Variants in ALDH4A1 observed in about 807,000 individuals in gnomAD.
ALDH4A1 encodes the protein delta-1-pyrroline-5-carboxylate dehydrogenase, mitochondrial.
In ALDH4A1, 46 loss-of-function variants were observed where a neutral mutation model predicts 70.5. The observed-to-expected ratio is 0.65, with a 90% CI of 0.51 to 0.83. ALDH4A1 has a LOEUF of 0.83. ALDH4A1 is among the 40% of genes least tolerant of loss of function. ALDH4A1 has a pLI of 0.00. For missense variants in ALDH4A1, 749 were observed against 766.5 expected, an observed-to-expected ratio of 0.98 and a Z score of 0.27; for synonymous variants, 323 against 324.3, an observed-to-expected ratio of 1.00 and a Z score of 0.04.
chr1:18,891,767 C>A (rs930738900), intron 1 of ALDH4A1, among the ~76,000 whole-genome samples: 10 of 152,188 alleles, frequency 6.6e-5, no homozygotes, highest in Non-Finnish European at 1.3e-4. Context: ...GTGGCTCACA[C>A]CTGTAATCAC....
Position 18,885,595 on chromosome 1 carries a change from C to T in ALDH4A1, c.331G>A (p.Ala111Thr). ...TTCAGGTCCCACTCTTTCCGGGCAG[C>T]CAGGGCAGCCTCAATGGCTTTGTTG... ...LLNKAIEAAL[A>T]ARKEWDLKPI... Residue 111 changes from alanine (A) to threonine (T), a missense_variant, in exon 5 of 15, where the codon GCT (alanine) becomes ACT (threonine). Coordinates refer to ENST00000375341, the MANE Select transcript of ALDH4A1 (RefSeq NM_003748.4). 1 of 1,613,954 alleles carries T rather than the reference C, an allele frequency of 6.2e-7. No individual in the cohort carries two copies. Among genetic ancestry groups the T allele is most frequent in the Non-Finnish European group, 8.5e-7 (1 of 1,180,004 alleles).
chr1:18,887,078 T>C (rs973481148), intron 3 of ALDH4A1, among the ~76,000 whole-genome samples: 3 of 152,266 alleles, frequency 2.0e-5, no homozygotes, highest in East Asian at 1.9e-4. Context: ...GAAGCCATCA[T>C]GGACAGAGCA....
intron 9 of ALDH4A1, among the ~76,000 whole-genome samples, chr1:18,878,471 C>T (rs1265144392): frequency 6.6e-6 from 1 of 152,128 alleles, no homozygotes; most frequent in East Asian, 1.9e-4. Context: ...GTCCAGACTC[C>T]CCAGTGGGCC....
intron 14 of ALDH4A1, among the ~76,000 whole-genome samples, chr1:18,873,678 C>T (rs765231484): frequency 3.3e-5 from 5 of 152,198 alleles, no homozygotes; most frequent in Non-Finnish European, 5.9e-5. Flanking sequence ...AGGGGGACGG[C>T]GGTGCCCCTG....
rs1026266446 is a variant in ALDH4A1 at position 18,902,479 on chromosome 1, G to A, written c.45C>T (p.Arg15=). ...APALRRALLS[R]PWTGAGLRWK... ...TCACTCACCCGGCCCCGGTCCAGGG[G>A]CGGGACAGCAGGGCGCGGCGGAGCG... Residue 15 remains arginine (R), a synonymous_variant, in exon 1 of 15, where the codon CGC becomes CGT. Transcript: ENST00000375341. 5.5e-6 allele frequency: 8 copies of A among 1,451,700 alleles called. No homozygotes were observed. In the South Asian group the frequency reaches 8.1e-5, roughly 15 times the overall value. 89.9% of individuals were successfully genotyped at this position (1,451,700 alleles called of 1,614,324 possible).
intron 1 of ALDH4A1, chr1:18,897,135 T>C (rs778890987): frequency 1.9e-6 from 1 of 517,208 alleles, no homozygotes; most frequent in Non-Finnish European, 4.0e-6. Flanking sequence ...TTTTTGAGTG[T>C]CAACGTGACG....
In ALDH4A1 at chr1:18,877,722, G is replaced by A. The variant is rs1934779170; in HGVS notation, c.941-110C>T. The stretch of plus-strand genomic sequence containing the variant: ...ATGGCCCGGGACCAACACGAGCACG[G>A]AGCAGCCCAGAGCGGGCGGAGGCTC... On this transcript the variant is annotated intron_variant, in intron 9 of 14. Coordinates refer to ENST00000375341, the MANE Select transcript of ALDH4A1 (RefSeq NM_003748.4). 5 of 1,304,574 alleles carry A rather than the reference G, an allele frequency of 3.8e-6. No individual in the cohort carries two copies. In the East Asian group the frequency reaches 1.2e-4, roughly 32 times the overall value. 80.8% of individuals were successfully genotyped at this position (1,304,574 alleles called of 1,614,324 possible). A position where few individuals can be genotyped will look rare whatever the true frequency, so the allele number is the denominator to read the frequency against.
At chr1:18,891,763 C>T (rs1398259761) in intron 1 of ALDH4A1, among the ~76,000 whole-genome samples, 3 of 152,178 alleles carry the variant, frequency 2.0e-5, no homozygotes, top group Non-Finnish European at 4.4e-5. Flanking sequence ...CATGGTGGCT[C>T]ACACCTGTAA....
At chr1:18,886,369 C>G in intron 4 of ALDH4A1, 95 bp downstream of exon 4, 2 of 1,431,574 alleles carry the variant, frequency 1.4e-6, no homozygotes, top group South Asian at 2.3e-5. Flanking sequence ...GACACAGCAA[C>G]TGATGCCCCC....
At chr1:18,887,867 T>C (rs1219259317) in intron 3 of ALDH4A1, among the ~76,000 whole-genome samples, 2 of 152,224 alleles carry the variant, frequency 1.3e-5, no homozygotes, top group African/African-American at 4.8e-5. Context: ...AGCTGCCCTC[T>C]CTCTGTGTGT....
Position 18,889,410 on chromosome 1 carries a change from CA to C in ALDH4A1, c.200del (p.Val67GlyfsTer52). On this transcript the variant is annotated frameshift_variant, in exon 3 of 15. Coordinates refer to ENST00000375341, the MANE Select transcript of ALDH4A1 (RefSeq NM_003748.4). LOFTEE classifies it high-confidence loss of function. Reference sequence around the variant, plus strand: ...ACGTCCACACCTCCTCATCCCCCACCACGCATGGGATGGCTTCCATCCGGCC... The same window carrying C: ...ACGTCCACACCTCCTCATCCCCCACCCGCATGGGATGGCTTCCATCCGGCC... The part of the protein sequence containing the change: ...LKGRMEAIPC[V>X]VGDEEVWTSD... 1.9e-6 allele frequency: 3 copies of C among 1,552,920 alleles called. No individual in the cohort carries two copies. The highest frequency in any genetic ancestry group is 2.6e-6 in the Non-Finnish European group (3 of 1,147,668).
chr1:18,881,799 G>A lies in ALDH4A1; in HGVS notation c.767C>T (p.Pro256Leu). 2.5e-6 allele frequency: 4 copies of A among 1,614,012 alleles called. No homozygotes were observed. In the South Asian group the frequency reaches 3.3e-5, roughly 13 times the overall value. ...AGCTGGCACAAACTGGATGATGTTG[G>A]GGGGCAGGCCAGCCTCCCGAAGGAT... ...YRILREAGLP[P>L]NIIQFVPADG... Residue 256 changes from proline to leucine, a missense_variant, in exon 8 of 15, where the codon CCC (proline) becomes CTC (leucine). Coordinates refer to ENST00000375341, the MANE Select transcript of ALDH4A1 (RefSeq NM_003748.4).
At chr1:18,884,884 A>C (rs905493656) in intron 5 of ALDH4A1, among the ~76,000 whole-genome samples, 14 of 152,216 alleles carry the variant, frequency 9.2e-5, no homozygotes, top group Admixed American at 2.0e-4. Flanking sequence ...CATTCCAGGC[A>C]GGAGGACACG....
Position 18,872,972 on chromosome 1 carries a change from CT to C in ALDH4A1, c.1580-16del, listed in dbSNP as rs767610565. The C allele has an allele frequency of 1.0e-5, 16 of 1,607,672 alleles. No homozygotes were observed. In the Admixed American group the frequency reaches 2.7e-4, roughly 27 times the overall value. The stretch of plus-strand genomic sequence containing the variant: ...GTCATTGGTTCCTGCGGAAAAGACA[CT>C]TCTGTTTTTCTCTGAAAAGATGCAA... On this transcript the variant is annotated splice_polypyrimidine_tract_variant and intron_variant, in intron 14 of 14. Coordinates refer to ENST00000375341, the MANE Select transcript of ALDH4A1 (RefSeq NM_003748.4).
chr1:18,889,521 C>T lies in ALDH4A1; in HGVS notation c.157-67G>A, dbSNP rs556845760. Reference sequence around the variant, plus strand: ...CGCTTCCTCCCATCTAAAACCCTAACGCAGAGTCCACAGACGGAGGTGCCC... The same window carrying T: ...CGCTTCCTCCCATCTAAAACCCTAATGCAGAGTCCACAGACGGAGGTGCCC... On this transcript the variant is annotated intron_variant, in intron 2 of 14. Coordinates refer to ENST00000375341, the MANE Select transcript of ALDH4A1 (RefSeq NM_003748.4). 2.3e-4 allele frequency: 323 copies of T among 1,406,072 alleles called. 1 individual carries two copies. Among genetic ancestry groups the T allele is most frequent in the Admixed American group, 7.1e-4 (36 of 50,724 alleles). The allele number at this position is 1,406,072 out of a possible 1,614,324, so 87.1% of individuals were successfully genotyped here. A position where few individuals can be genotyped will look rare whatever the true frequency, so the allele number is the denominator to read the frequency against.
intron 9 of ALDH4A1, among the ~76,000 whole-genome samples, chr1:18,878,208 G>A (rs113626527): frequency 0.012 from 1,769 of 152,284 alleles, 35 homozygotes; most frequent in African/African-American, 0.04. Context: ...AACTCTGGAC[G>A]AAGTACGCTG....
chr1:18,898,663 G>A lies in ALDH4A1; in HGVS notation c.62+3799C>T, dbSNP rs959805242. Reference sequence around the variant, plus strand: ...ACTGTCATCTTTATTTTCCATATGAGAACATAAGGGAGCCCAGAGAGGGTG... The same window carrying A: ...ACTGTCATCTTTATTTTCCATATGAAAACATAAGGGAGCCCAGAGAGGGTG... On this transcript the variant is annotated intron_variant, in intron 1 of 14. Coordinates refer to ENST00000375341, the MANE Select transcript of ALDH4A1 (RefSeq NM_003748.4). The surrounding 1 kb of genome is among the most constrained non-coding windows in gnomAD (Gnocchi z 4.3). 5.9e-5 allele frequency among the ~76,000 whole-genome samples: 9 copies of A among 152,174 alleles called. No individual in the cohort carries two copies. Among genetic ancestry groups the A allele is most frequent in the African/African-American group, 2.2e-4 (9 of 41,448 alleles).
rs764541063 is a variant in ALDH4A1, at chr1:18,873,003, C to T, written c.1580-46G>A. ...TTTTTCTCTGAAAAGATGCAACAGC[C>T]TGGGCAGAAGGGGAAGGGAGGAGAT... On this transcript the variant is annotated intron_variant, in intron 14 of 14. Coordinates refer to ENST00000375341, the MANE Select transcript of ALDH4A1 (RefSeq NM_003748.4). 1.2e-5 allele frequency: 18 copies of T among 1,520,010 alleles called. No individual in the cohort carries two copies. In the South Asian group the frequency reaches 1.9e-4, roughly 16 times the overall value. The allele number at this position is 1,520,010 out of a possible 1,614,324, so 94.2% of individuals were successfully genotyped here.
At chr1:18,876,492 G>A in intron 11 of ALDH4A1, 25 bp from the exon 12 acceptor site, 1 of 1,562,164 alleles carries the variant, frequency 6.4e-7, no homozygotes. Flanking sequence ...GAGGAGGGAG[G>A]TCTAAGAGGC....
Sources: allele counts gnomAD v4.1 joint callset (sites outside exome capture counted in the v4.1 genomes callset), GRCh38; gene constraint gnomAD v4.1.1; non-coding constraint Gnocchi (gnomAD v3.1); transcripts MANE v1.5; gene names NCBI Gene and HGNC (gene_info 2026-07-23, HGNC 2026-07-21).